Variants in RABGAP1 observed in about 807,000 individuals in gnomAD.
The protein encoded by RABGAP1 is rab GTPase-activating protein 1.
RABGAP1 carries 23 observed loss-of-function variants against 137.6 expected under a neutral mutation model. The ratio of observed to expected loss-of-function variants is 0.17; its 90% CI spans 0.12 to 0.24. The LOEUF is 0.24. RABGAP1 is among the 10% of genes least tolerant of loss of function. RABGAP1 has a pLI of 1.00. For missense variants in RABGAP1, 906 were observed against 1,275.8 expected, an observed-to-expected ratio of 0.71 and a Z score of 4.42; for synonymous variants, 451 against 450.7, an observed-to-expected ratio of 1.00 and a Z score of -0.01.
intron 2 of RABGAP1, among the ~76,000 whole-genome samples, chr9:122,959,985 A>G (rs978311568): frequency 3.3e-4 from 50 of 152,200 alleles, no homozygotes; most frequent in Non-Finnish European, 1.5e-4. Flanking sequence ...CTTCAGAGAA[A>G]AGTTGGCCTT....
chr9:123,095,226 CAAAAAAAAAAAAA>C (rs55675466), intron 21 of RABGAP1, among the ~76,000 whole-genome samples: 3 of 61,254 alleles, frequency 4.9e-5, no homozygotes, highest in Non-Finnish European at 9.3e-5. Flanking sequence ...AACCTTGTCC[CAAAAAAAAAAAAA>C]AAAAAAAAAA....
chr9:122,986,233 C>T lies in RABGAP1; in HGVS notation c.404C>T (p.Pro135Leu). ...PGQGDSEASSPFTPVADEDSV... is the reference protein window; with the variant it reads ...PGQGDSEASSLFTPVADEDSV... ...CTTTCAGATTCTGAAGCTTCAAGTC[C>T]TTTCACACCAGTGGCCGATGAGGAC... Residue 135 changes from proline to leucine, a missense_variant, in exon 4 of 26, where the codon CCT becomes CTT. Physicochemically the swap from Pro to Leu is moderately conservative, Grantham distance 98. Coordinates refer to ENST00000373647, the MANE Select transcript of RABGAP1 (RefSeq NM_012197.4). 2 of 1,614,008 alleles carry T rather than the reference C, an allele frequency of 1.2e-6. No homozygotes were observed. The highest frequency in any genetic ancestry group is 2.2e-5 in the East Asian group (1 of 44,878).
At chr9:122,992,442 C>T (rs146120564) in intron 6 of RABGAP1, among the ~76,000 whole-genome samples, 2 of 152,030 alleles carry the variant, frequency 1.3e-5, no homozygotes, top group African/African-American at 2.4e-5. Flanking sequence ...AACTTCCCTT[C>T]CTTCTGAAAT....
chr9:123,089,267 C>G (rs1371250851), intron 19 of RABGAP1, among the ~76,000 whole-genome samples: 2 of 152,092 alleles, frequency 1.3e-5, no homozygotes, highest in Non-Finnish European at 2.9e-5. Flanking sequence ...TGCCAGGGCT[C>G]AAATCCCAGA....
At chr9:122,946,635 A>G (rs1321402976) in intron 1 of RABGAP1, among the ~76,000 whole-genome samples, 2 of 152,208 alleles carry the variant, frequency 1.3e-5, no homozygotes, top group African/African-American at 2.4e-5. Context: ...GATAGCTTCT[A>G]TTGTGGACGT....
At chr9:122,968,276 GCAGTGGTGCAATCT>G (rs1233874953) in intron 2 of RABGAP1, among the ~76,000 whole-genome samples, 1 of 135,592 alleles carries the variant, frequency 7.4e-6, no homozygotes, top group Non-Finnish European at 1.5e-5. Flanking sequence ...AGGCTGCAGT[GCAGTGGTGCAATCT>G]CAGCTCACTG....
chr9:123,057,921 C>T (rs557028110), intron 13 of RABGAP1, among the ~76,000 whole-genome samples: 299 of 152,330 alleles, frequency 2.0e-3, no homozygotes, highest in African/African-American at 6.3e-3. Flanking sequence ...GGCGTGGCGG[C>T]GCGCGCCTGC....
intron 13 of RABGAP1, among the ~76,000 whole-genome samples, chr9:123,027,097 T>G (rs1369806228): frequency 6.9e-6 from 1 of 145,716 alleles, no homozygotes; most frequent in Non-Finnish European, 1.5e-5. Context: ...TTACATTTCT[T>G]TCTTTCTTTT....
chr9:123,016,982 G>A (rs913582171), intron 12 of RABGAP1, among the ~76,000 whole-genome samples: 4 of 152,164 alleles, frequency 2.6e-5, no homozygotes, highest in African/African-American at 7.2e-5. Context: ...ACCAAAGCAC[G>A]ATTTGTCTTT....
At chr9:122,940,437 A>C (rs1833484011), upstream of RABGAP1, 1 of 152,184 alleles carries the variant, frequency 6.6e-6, no homozygotes, top group Non-Finnish European at 1.5e-5. Flanking sequence ...TTTGACTTCT[A>C]GACTGGATTC....
intron 2 of RABGAP1, among the ~76,000 whole-genome samples, chr9:122,983,541 C>T (rs572868311): frequency 7.4e-4 from 113 of 152,116 alleles, no homozygotes; most frequent in Admixed American, 2.2e-3. Context: ...CCCAGAGGTA[C>T]CTACCTCTGT....
At chr9:123,024,074 A>G (rs553607815) in intron 13 of RABGAP1, among the ~76,000 whole-genome samples, 9 of 152,210 alleles carry the variant, frequency 5.9e-5, no homozygotes, top group Non-Finnish European at 1.3e-4. Flanking sequence ...TAACCCAAGG[A>G]CAAATGACCT....
At chr9:122,984,785 G>A (rs1391639785) in intron 3 of RABGAP1, 66 bp downstream of exon 3, 3 of 1,413,758 alleles carry the variant, frequency 2.1e-6, no homozygotes, top group Non-Finnish European at 2.9e-6. Flanking sequence ...TGTCCACCCT[G>A]TACTAGGTTT....
At chr9:122,974,541 A>T (rs1406682544) in intron 2 of RABGAP1, among the ~76,000 whole-genome samples, 2 of 151,082 alleles carry the variant, frequency 1.3e-5, no homozygotes, top group Non-Finnish European at 2.9e-5. Context: ...TGTAATCCCA[A>T]CACACTTTGG....
At position 122,990,182 on chromosome 9, in the gene RABGAP1, A is replaced by G. The variant is rs1456112178; in HGVS notation, c.892A>G (p.Ile298Val). Residue 298 changes from isoleucine to valine, a missense_variant, in exon 6 of 26, where the codon ATA becomes GTA. Physicochemically the swap from Ile to Val is conservative, Grantham distance 29. Transcript: ENST00000373647. ...CTTTACCTTCTCTGTGTCTTTAGAAATAAAAGAAGATGATGGTAAAGGTTA... is the reference window on the plus strand; with the variant it reads ...CTTTACCTTCTCTGTGTCTTTAGAAGTAAAAGAAGATGATGGTAAAGGTTA... ...DIFTFSVSLE[I>V]KEDDGKGYFS... The G allele has an allele frequency of 6.2e-7, 1 of 1,610,108 alleles. No individual in the cohort carries two copies.
intron 10 of RABGAP1, among the ~76,000 whole-genome samples, chr9:123,003,015 G>T (rs2029876020): frequency 6.6e-6 from 1 of 152,128 alleles, no homozygotes. Flanking sequence ...GGGGATTTAG[G>T]GGGAGTGCTA....
At chr9:122,935,383 G>T in the RABGAP1 span, among the ~76,000 whole-genome samples, 1 of 151,974 alleles carries the variant, frequency 6.6e-6, no homozygotes, top group African/African-American at 2.4e-5. Context: ...TGTCACCCAG[G>T]CTGGAGTGCA....
Position 123,101,688 on chromosome 9 carries a change from G to C in RABGAP1, c.3012G>C (p.Lys1004Asn). The change falls in exon 25 of 26, where the codon AAG (lysine) becomes AAC (asparagine). Residue 1004 changes from lysine to asparagine, a missense_variant. By Grantham distance (94) the Lys-to-Asn change is moderately conservative (BLOSUM62 0). This residue lies in a region of RABGAP1 where 193 missense variants were observed against 248.1 expected (regional missense o/e 0.78). Transcript: ENST00000373647. The stretch of plus-strand genomic sequence containing the variant: ...CGGATGAAGAGAAAGAGACGCTCAA[G>C]AACCAGCTGAGAGAAATGGAGCTAG... ...EDTDEEKETL[K>N]NQLREMELEL... 1.2e-6 allele frequency: 2 copies of C among 1,613,982 alleles called. No individual in the cohort carries two copies. The highest frequency in any genetic ancestry group is 1.7e-6 in the Non-Finnish European group (2 of 1,179,974).
intron 2 of RABGAP1, among the ~76,000 whole-genome samples, chr9:122,981,152 G>C (rs936435411): frequency 6.6e-6 from 1 of 151,858 alleles, no homozygotes; most frequent in African/African-American, 2.4e-5. Context: ...ATTCTCCTGT[G>C]TAGTTGGGAC....
Sources: gnomAD v4.1 joint callset for allele counts (sites outside exome capture counted in the v4.1 genomes callset) on GRCh38, gnomAD v4.1.1 for gene constraint, gnomAD v4.1.1 regional missense constraint, MANE v1.5 for transcripts, NCBI Gene and HGNC (gene_info 2026-07-23, HGNC 2026-07-21) for gene names.